IMPG1: variants seen among roughly 807,000 people sequenced by gnomAD.
IMPG1 encodes the protein interphotoreceptor matrix proteoglycan 1.
In IMPG1, 85 loss-of-function variants were observed where a neutral mutation model predicts 92.0. The observed-to-expected ratio is 0.92, with a 90% CI of 0.78 to 1.11. The LOEUF is 1.11. IMPG1 is among the 50% of genes least tolerant of loss of function. The pLI, the probability that IMPG1 is intolerant of heterozygous loss-of-function variation, is 0.00. For missense variants in IMPG1, 1,022 were observed against 956.0 expected (o/e 1.07, Z -0.91); for synonymous variants, 367 against 334.1 (o/e 1.10, Z -1.08).
At chr6:75,932,756 A>C (rs574175296) in intron 14 of IMPG1, among the ~76,000 whole-genome samples, 275 of 151,810 alleles carry the variant, frequency 1.8e-3, no homozygotes, top group Non-Finnish European at 3.3e-3. Context: ...GCTGGAGTGC[A>C]GTGGCGCCAT....
chr6:76,001,319 T>C (rs1782984753), intron 12 of IMPG1, among the ~76,000 whole-genome samples: 1 of 152,238 alleles, frequency 6.6e-6, no homozygotes, highest in Non-Finnish European at 1.5e-5. Context: ...AGTTTTGTTT[T>C]GTTTTGTCCA....
intron 12 of IMPG1, among the ~76,000 whole-genome samples, chr6:75,953,055 C>A (rs1782060365): frequency 6.6e-6 from 1 of 151,740 alleles, no homozygotes; most frequent in African/African-American, 2.4e-5. Flanking sequence ...ATGGGAAATG[C>A]ATTTGATTCT....
intron 1 of IMPG1, among the ~76,000 whole-genome samples, chr6:76,068,089 T>C (rs1784342382): frequency 6.6e-6 from 1 of 152,166 alleles, no homozygotes; most frequent in Admixed American, 6.5e-5. Context: ...TCGTACCGAA[T>C]GGGGGAATAT....
At chr6:76,049,543 A>C (rs1784001157) in intron 1 of IMPG1, among the ~76,000 whole-genome samples, 1 of 152,150 alleles carries the variant, frequency 6.6e-6, no homozygotes, top group African/African-American at 2.4e-5. Flanking sequence ...TGGTGTATTC[A>C]ATGTGTGGAT....
intron 7 of IMPG1, among the ~76,000 whole-genome samples, chr6:76,016,013 C>T (rs1464418735): frequency 6.6e-6 from 1 of 152,090 alleles, no homozygotes; most frequent in East Asian, 1.9e-4. Flanking sequence ...TATTAATCTC[C>T]TTTCCTCAGT....
chr6:76,011,147 G>A lies in IMPG1; in HGVS notation c.866+19C>T. ...GAAAGTAATTTAAAAATTGAGAAGA[G>A]TTTGATTCTCTTACTTACCTAAATC... On this transcript the variant is annotated intron_variant, in intron 8 of 16. Coordinates refer to ENST00000369950, the MANE Select transcript of IMPG1 (RefSeq NM_001563.4). The A allele has an allele frequency of 2.3e-6, 3 of 1,316,108 alleles. No homozygotes were observed. The highest frequency in any genetic ancestry group is 3.3e-6 in the Non-Finnish European group (3 of 917,066). The allele number at this position is 1,316,108 out of a possible 1,614,324, so 81.5% of individuals were successfully genotyped here. A position where few individuals can be genotyped will look rare whatever the true frequency, so the allele number is the denominator to read the frequency against.
chr6:75,953,211 C>T (rs899797263), intron 12 of IMPG1, among the ~76,000 whole-genome samples: 1 of 152,150 alleles, frequency 6.6e-6, no homozygotes, highest in African/African-American at 2.4e-5. Context: ...TTAAAATAGG[C>T]TTCTACATTA....
At chr6:76,045,920 T>C (rs1783932345) in intron 1 of IMPG1, among the ~76,000 whole-genome samples, 1 of 152,174 alleles carries the variant, frequency 6.6e-6, no homozygotes, top group Non-Finnish European at 1.5e-5. Flanking sequence ...GTTGGAAGAC[T>C]TGCTACAAAA....
chr6:75,946,498 C>T (rs916781172), intron 14 of IMPG1, among the ~76,000 whole-genome samples: 1 of 152,252 alleles, frequency 6.6e-6, no homozygotes, highest in East Asian at 1.9e-4. Context: ...AGGAGCCCTC[C>T]CTGACTTTTA....
intron 1 of IMPG1, among the ~76,000 whole-genome samples, chr6:76,059,505 A>G (rs1784170275): frequency 6.6e-6 from 1 of 152,164 alleles, no homozygotes; most frequent in African/African-American, 2.4e-5. Flanking sequence ...TTATGAAAAC[A>G]GATGTTAGAA....
intron 12 of IMPG1, among the ~76,000 whole-genome samples, chr6:75,979,207 G>T (rs1348050981): frequency 7.2e-5 from 11 of 152,162 alleles, no homozygotes; most frequent in Admixed American, 7.2e-4. Flanking sequence ...GTGAGCCACT[G>T]CACCCCACCA....
chr6:76,017,845 C>G (rs1020931400), intron 7 of IMPG1, among the ~76,000 whole-genome samples: 2 of 152,196 alleles, frequency 1.3e-5, no homozygotes, highest in Non-Finnish European at 2.9e-5. Context: ...CTCTGCCCCC[C>G]GGGTTCAAGC....
At position 75,947,465 on chromosome 6, in the gene IMPG1, C is replaced by G. The variant is rs759162476; in HGVS notation, c.1893G>C (p.Gly631=). The change falls in exon 14 of 17, where the codon GGG becomes GGC. Residue 631 remains glycine (G), a synonymous_variant. Transcript: ENST00000369950. ...KQLEILNFRN[G]SVIVNSKMKF... ...TCATTTTGCTATTCACAATCACACT[C>G]CCGTTTCTGAAGTTAAGTATTTCAA... 2.3e-5 allele frequency: 37 copies of G among 1,613,662 alleles called. No individual in the cohort carries two copies. In the Admixed American group the frequency reaches 3.8e-4, roughly 17 times the overall value.
chr6:76,062,370 T>C (rs1231208809), intron 1 of IMPG1, among the ~76,000 whole-genome samples: 2 of 152,162 alleles, frequency 1.3e-5, no homozygotes, highest in Non-Finnish European at 2.9e-5. Context: ...ATGCAGCCAA[T>C]AAAATGATGC....
intron 12 of IMPG1, among the ~76,000 whole-genome samples, chr6:75,990,470 C>G (rs1315025056): frequency 1.3e-5 from 2 of 151,994 alleles, no homozygotes; most frequent in Non-Finnish European, 2.9e-5. Flanking sequence ...CTCATTTTCC[C>G]AGGCCAGGCA....
chr6:75,967,972 T>A (rs1457301117), intron 12 of IMPG1, among the ~76,000 whole-genome samples: 1 of 152,130 alleles, frequency 6.6e-6, no homozygotes, highest in Non-Finnish European at 1.5e-5. Flanking sequence ...AAAAGATAAA[T>A]CAAACAGAAC....
At chr6:75,942,546 C>G (rs2313753) in intron 14 of IMPG1, among the ~76,000 whole-genome samples, 85,327 of 152,004 alleles carry the variant, frequency 0.56, 24,675 homozygotes, top group Non-Finnish European at 0.65. Flanking sequence ...TTGAGTCCTT[C>G]TTTTCTAGGA....
chr6:75,956,931 A>G (rs894747484), intron 12 of IMPG1, among the ~76,000 whole-genome samples: 4 of 150,888 alleles, frequency 2.7e-5, no homozygotes, highest in Non-Finnish European at 4.4e-5. Context: ...TTTCTTTTTT[A>G]TTTTTTGAGA....
rs749901493 is a variant in IMPG1 at position 75,947,303 on chromosome 6, G to T, written c.2044+11C>A. 18 of 1,597,576 alleles carry T rather than the reference G, an allele frequency of 1.1e-5. No homozygotes were observed. In the South Asian group the frequency reaches 1.9e-4, roughly 17 times the overall value. The stretch of plus-strand genomic sequence containing the variant: ...AACATCTCTACCACTTTCTGGGTTG[G>T]ATTCTTTTACCTGGTTCAATGTTGA... On this transcript the variant is annotated intron_variant, in intron 14 of 16. Transcript: ENST00000369950.
Sources: allele counts gnomAD v4.1 joint callset (sites outside exome capture counted in the v4.1 genomes callset), GRCh38; gene constraint gnomAD v4.1.1; transcripts MANE v1.5; gene names NCBI Gene and HGNC (gene_info 2026-07-23, HGNC 2026-07-21).